Variants in CCDC196 observed in about 807,000 individuals in gnomAD.
CCDC196 encodes coiled-coil domain containing 196.
chr14:66,493,766 T>C (rs771317582), intron 8 of CCDC196: 4 of 152,178 alleles, frequency 2.6e-5, no homozygotes, highest in Non-Finnish European at 4.4e-5. Context: ...ATTTATGTTC[T>C]AATAAGAATT....
At chr14:66,492,899 A>T (rs3737161) in intron 8 of CCDC196, 50,087 of 152,492 alleles carry the variant, frequency 0.33, 12,213 homozygotes, top group African/African-American at 0.66. Context: ...CATCTGACAA[A>T]GGTTGTGAAT....
At chr14:66,489,130 G>A (rs899260009) in intron 4 of CCDC196, 93 bp downstream of exon 4, 51 of 411,498 alleles carry the variant, frequency 1.2e-4, no homozygotes, top group South Asian at 3.9e-4. Context: ...ATTGTTTCAT[G>A]TCCTTGCTTC....
chr14:66,493,392 A>G (rs2057587348), intron 8 of CCDC196, among the ~76,000 whole-genome samples: 1 of 152,202 alleles, frequency 6.6e-6, no homozygotes, highest in Non-Finnish European at 1.5e-5. Flanking sequence ...AGTAACAACA[A>G]ACCAATTGCT....
At position 66,491,087 on chromosome 14, in the gene CCDC196, G is replaced by C. The variant is rs774831873; in HGVS notation, c.496G>C (p.Val166Leu). The change falls in exon 6 of 10, where the codon GTG becomes CTG. Residue 166 changes from valine (V) to leucine (L), a missense_variant. Val to Leu is a conservative substitution (Grantham distance 32). Transcript: ENST00000636229. ...SELEKSFAEK[V>L]KEIRKEKQQR... ...ACTGGAGAAATCATTTGCAGAGAAAGTGAAGGAGATAAGGAAGGTAGTACA... is the reference window on the plus strand; with the variant it reads ...ACTGGAGAAATCATTTGCAGAGAAACTGAAGGAGATAAGGAAGGTAGTACA... 9.7e-6 allele frequency: 4 copies of C among 413,490 alleles called. No homozygotes were observed. Among genetic ancestry groups the C allele is most frequent in the Non-Finnish European group, 8.8e-6 (2 of 226,148 alleles). 25.6% of individuals were successfully genotyped at this position (413,490 alleles called of 1,614,324 possible). A position where few individuals can be genotyped will look rare whatever the true frequency, so the allele number is the denominator to read the frequency against.
intron 3 of CCDC196, 67 bp downstream of exon 3, chr14:66,488,323 TGTG>T: frequency 2.4e-6 from 1 of 408,574 alleles, no homozygotes; most frequent in Non-Finnish European, 4.4e-6. Context: ...CAGTGTCAGA[TGTG>T]GAGAGAAAGA....
chr14:66,492,520 T>C (rs1342872279), intron 8 of CCDC196, among the ~76,000 whole-genome samples: 4 of 151,914 alleles, frequency 2.6e-5, no homozygotes, highest in Non-Finnish European at 5.9e-5. Flanking sequence ...TTTTGTATTT[T>C]TAGTAGAGAC....
intron 8 of CCDC196, 97 bp from the exon 9 acceptor site, chr14:66,498,012 C>T: frequency 5.0e-6 from 2 of 403,538 alleles, no homozygotes; most frequent in Non-Finnish European, 4.5e-6. Context: ...CACATCAATG[C>T]TAATACCCAC....
chr14:66,492,687 C>A (rs953102840), intron 8 of CCDC196: 1 of 152,560 alleles, frequency 6.6e-6, no homozygotes. Flanking sequence ...GGCAAAGATT[C>A]TCTCTGGGAG....
chr14:66,492,149 A>C lies in CCDC196; in HGVS notation c.670A>C (p.Asn224His), dbSNP rs2057555789. The C allele has an allele frequency of 2.4e-6, 1 of 413,710 alleles. No individual in the cohort carries two copies. The highest frequency in any genetic ancestry group is 2.1e-5 in the African/African-American group (1 of 48,600). The allele number at this position is 413,710 out of a possible 1,614,324, so 25.6% of individuals were successfully genotyped here. A position where few individuals can be genotyped will look rare whatever the true frequency, so the allele number is the denominator to read the frequency against. ...DLKLSLYLQQ[N>H]FEPMQAFLNL... is the part of the protein sequence containing the mutation. ...GAAATTATCACTGTATTTGCAGCAG[A>C]ATTTTGAGCCAATGCAAGCATTTTT... Residue 224 changes from asparagine (N) to histidine (H), a missense_variant, in exon 8 of 10, where the codon AAT becomes CAT. Coordinates refer to ENST00000636229, the MANE Select transcript of CCDC196 (RefSeq NM_001351576.1).
chr14:66,488,241 G>T lies in CCDC196; in HGVS notation c.285G>T (p.Glu95Asp). 2.4e-6 allele frequency: 1 copy of T among 413,114 alleles called. No individual in the cohort carries two copies. Among genetic ancestry groups the T allele is most frequent in the Non-Finnish European group, 4.4e-6 (1 of 225,894 alleles). The allele number at this position is 413,114 out of a possible 1,614,324, so 25.6% of individuals were successfully genotyped here. A position where few individuals can be genotyped will look rare whatever the true frequency, so the allele number is the denominator to read the frequency against. ...TGGAGCTCCTTAAGGAAGCAGAGGA[G>T]ATGAAACAGAACTTGGTAAGAAGTA... ...SVMELLKEAE[E>D]MKQNLERKNK... Residue 95 changes from glutamate (E) to aspartate (D), a missense_variant, in exon 3 of 10, where the codon GAG becomes GAT. Coordinates refer to ENST00000636229, the MANE Select transcript of CCDC196 (RefSeq NM_001351576.1).
At chr14:66,492,469 G>A (rs951504752) in intron 8 of CCDC196, among the ~76,000 whole-genome samples, 2 of 151,788 alleles carry the variant, frequency 1.3e-5, no homozygotes, top group African/African-American at 4.8e-5. Flanking sequence ...AGCCTTCCGA[G>A]TAGCTGGGAT....
At chr14:66,497,181 T>C (rs533296381) in intron 8 of CCDC196, among the ~76,000 whole-genome samples, 1 of 152,320 alleles carries the variant, frequency 6.6e-6, no homozygotes, top group East Asian at 1.9e-4. Flanking sequence ...TTTAAAGCTT[T>C]GAGGCAACCT....
chr14:66,492,308 TTAGTAGTACAGTAA>T (rs1174834730), intron 8 of CCDC196, 114 bp downstream of exon 8: 1 of 403,180 alleles, frequency 2.5e-6, no homozygotes, highest in Non-Finnish European at 4.4e-6. Flanking sequence ...AAGTTAAATG[TTAGTAGTACAGTAA>T]TTAATTTTTT....
intron 3 of CCDC196, 28 bp from the exon 4 acceptor site, chr14:66,488,959 G>C: frequency 2.4e-6 from 1 of 413,112 alleles, no homozygotes; most frequent in Non-Finnish European, 4.4e-6. Context: ...ACATGCTTCT[G>C]TTTGTTTGGT....
rs915732198 is a variant in CCDC196 at position 66,489,084 on chromosome 14, C to T, written c.351+47C>T. On this transcript the variant is annotated intron_variant, in intron 4 of 9. Coordinates refer to ENST00000636229, the MANE Select transcript of CCDC196 (RefSeq NM_001351576.1). ...GAAAGTATTGTCCTACAGATCACAACGCAAAGAACCTCCCTTTCCTCTGGC... is the reference window on the plus strand; with the variant it reads ...GAAAGTATTGTCCTACAGATCACAATGCAAAGAACCTCCCTTTCCTCTGGC... The T allele has an allele frequency of 2.9e-5, 12 of 413,058 alleles. No individual in the cohort carries two copies. In the South Asian group the frequency reaches 3.8e-4, roughly 13 times the overall value. 25.6% of individuals were successfully genotyped at this position (413,058 alleles called of 1,614,324 possible).
chr14:66,491,826 T>C (rs1172792836), intron 7 of CCDC196, 141 bp downstream of exon 7: 1 of 411,556 alleles, frequency 2.4e-6, no homozygotes, highest in Non-Finnish European at 4.4e-6. Context: ...CATAGAAAGA[T>C]AGCTGAAGGG....
At chr14:66,495,023 A>T (rs1179014415) in intron 8 of CCDC196, among the ~76,000 whole-genome samples, 1 of 150,568 alleles carries the variant, frequency 6.6e-6, no homozygotes, top group Non-Finnish European at 1.5e-5. Context: ...GAGACTTCGT[A>T]TCAAAAAAAA....
intron 4 of CCDC196, among the ~76,000 whole-genome samples, chr14:66,490,162 A>G (rs952471325): frequency 4.6e-5 from 7 of 152,204 alleles, no homozygotes; most frequent in African/African-American, 1.7e-4. Flanking sequence ...GTAATAGGAA[A>G]TGTGCCAGCA....
chr14:66,488,794 T>C (rs2057468263), intron 3 of CCDC196, among the ~76,000 whole-genome samples, 193 bp from the exon 4 acceptor site: 1 of 152,146 alleles, frequency 6.6e-6, no homozygotes. Context: ...ACTTGGTTTT[T>C]TTTTTACCAT....
Sources: gnomAD v4.1 joint callset for allele counts (sites outside exome capture counted in the v4.1 genomes callset) on GRCh38, gnomAD v4.1.1 for gene constraint, MANE v1.5 for transcripts, NCBI Gene and HGNC (gene_info 2026-07-23, HGNC 2026-07-21) for gene names.